Variants in IPO7 observed in about 807,000 individuals in gnomAD.
The protein encoded by IPO7 is importin-7.
A neutral mutation model predicts 136.4 loss-of-function variants in IPO7; 13 were observed. The observed-to-expected ratio is 0.10, with a 90% CI of 0.06 to 0.15. The LOEUF is 0.15. Among genes scored for constraint, IPO7 ranks in the 10% least tolerant of loss-of-function variants. The pLI is 1.00. For synonymous variants in IPO7, 403 were observed against 404.4 expected (o/e 1.00, Z 0.04); for missense variants, 857 against 1,240.6 (o/e 0.69, Z 4.65).
chr11:9,428,689 CT>C, intron 13 of IPO7, 60 bp downstream of exon 13: 1 of 917,504 alleles, frequency 1.1e-6, no homozygotes, highest in South Asian at 1.3e-5. Context: ...ACTCTGTGGA[CT>C]TTTATATTGA....
At chr11:9,406,601 T>G (rs895272593) in intron 2 of IPO7, among the ~76,000 whole-genome samples, 1 of 152,186 alleles carries the variant, frequency 6.6e-6, no homozygotes, top group Non-Finnish European at 1.5e-5. Context: ...CTGGCCACGG[T>G]GGCTCACACC....
In IPO7 at chr11:9,397,357, TA is replaced by T. The variant is rs1261578568; in HGVS notation, c.85-5932del. On this transcript the variant is annotated intron_variant, in intron 1 of 24. Transcript: ENST00000379719. ...TTAAAAAAAAATATATATATATATA[TA>T]TATATATTAGTCGGGCACGGTGGCA... Among the ~76,000 whole-genome samples the T allele has an allele frequency of 3.8e-3, 191 of 50,638 alleles. 37 individuals carry two copies. The highest frequency in any genetic ancestry group is 0.011 in the African/African-American group (139 of 13,200). The allele number at this position is 50,638 out of a possible 152,430, so 33.2% of individuals were successfully genotyped here. A position where few individuals can be genotyped will look rare whatever the true frequency, so the allele number is the denominator to read the frequency against.
chr11:9,430,548 A>G (rs1485253793), intron 15 of IPO7: 1 of 204,206 alleles, frequency 4.9e-6, no homozygotes, highest in Non-Finnish European at 9.8e-6. Flanking sequence ...GGACATTGTC[A>G]AGTGTTAACC....
intron 4 of IPO7, among the ~76,000 whole-genome samples, chr11:9,411,728 G>C (rs569423401): frequency 6.6e-6 from 1 of 152,276 alleles, no homozygotes. Flanking sequence ...TCACAGCCTT[G>C]TGGTAGTAGA....
intron 1 of IPO7, among the ~76,000 whole-genome samples, chr11:9,397,462 C>T (rs994538737): frequency 6.7e-6 from 1 of 148,534 alleles, no homozygotes; most frequent in African/African-American, 2.5e-5. Flanking sequence ...ATCTCGTGAC[C>T]TCAGGTGATC....
intron 1 of IPO7, among the ~76,000 whole-genome samples, chr11:9,398,562 A>G (rs752862645): frequency 6.6e-6 from 1 of 152,254 alleles, no homozygotes; most frequent in African/African-American, 2.4e-5. Flanking sequence ...AGACTCTGAA[A>G]TGAAGTCATG....
chr11:9,397,332 T>TAAAAAAAAA (rs757736784), intron 1 of IPO7, among the ~76,000 whole-genome samples: 246 of 12,096 alleles, frequency 0.02, 75 homozygotes, highest in East Asian at 0.068. Context: ...TAAAAATAAT[T>TAAAAAAAAA]TAAAAAAAAA....
chr11:9,419,559 A>AAAAAAAAAT (rs1256216265), intron 6 of IPO7, among the ~76,000 whole-genome samples: 2 of 116,866 alleles, frequency 1.7e-5, no homozygotes, highest in African/African-American at 7.5e-5. Context: ...AAAAAAAAAA[A>AAAAAAAAAT]ATATATATAT....
At chr11:9,408,704 GTTTTT>G (rs377057603) in intron 3 of IPO7, 65 bp downstream of exon 3, 204 of 173,154 alleles carry the variant, frequency 1.2e-3, no homozygotes, top group Middle Eastern at 6.2e-3. Flanking sequence ...TTGTTTTTTG[GTTTTT>G]TTTTTTTTTT....
chr11:9,417,207 G>T, intron 6 of IPO7, 59 bp downstream of exon 6: 1 of 735,860 alleles, frequency 1.4e-6, no homozygotes, highest in South Asian at 1.8e-5. Flanking sequence ...ATCTTTTGAA[G>T]ACTTTAACTG....
chr11:9,439,830 C>G (rs1167940211), intron 22 of IPO7, among the ~76,000 whole-genome samples: 2 of 152,088 alleles, frequency 1.3e-5, no homozygotes, highest in African/African-American at 4.8e-5. Flanking sequence ...GCCTTGGCCT[C>G]CTAAAGTGTT....
Position 9,440,545 on chromosome 11 carries a change from A to T in IPO7, c.2786A>T (p.Asp929Val), listed in dbSNP as rs763654555. 2.5e-6 allele frequency: 4 copies of T among 1,614,040 alleles called. No individual in the cohort carries two copies. Among genetic ancestry groups the T allele is most frequent in the Non-Finnish European group, 3.4e-6 (4 of 1,179,890 alleles). The stretch of plus-strand genomic sequence containing the variant: ...AAGCAGGCTGGTGAAGATGGAGATG[A>T]TGAAGATTGGGAAGAAGATGATGCT... ...LAKQAGEDGD[D>V]EDWEEDDAEE... The change falls in exon 23 of 25, where the codon GAT (aspartate) becomes GTT (valine). Residue 929 changes from aspartate to valine, a missense_variant. This residue lies in a region of IPO7 where 119 missense variants were observed against 155.5 expected (regional missense o/e 0.77). Coordinates refer to ENST00000379719, the MANE Select transcript of IPO7 (RefSeq NM_006391.3).
In IPO7 at chr11:9,438,050, T is replaced by TTG. The variant is rs1351014322; in HGVS notation, c.2490-29_2490-28insGT. On this transcript the variant is annotated intron_variant, in intron 21 of 24. Transcript: ENST00000379719. ...TTATTTAAGAAAAGAAAACAGTTTTTTTTTTTTTTTTTTTTTTTTTTTTTT... is the reference window on the plus strand; with the variant it reads ...TTATTTAAGAAAAGAAAACAGTTTTTTGTTTTTTTTTTTTTTTTTTTTTTTTT... The TTG allele has an allele frequency of 7.4e-5, 29 of 390,598 alleles. No homozygotes were observed. The African/African-American group carries it at 8.2e-4, about 11-fold the overall frequency. 24.2% of individuals were successfully genotyped at this position (390,598 alleles called of 1,614,324 possible).
At position 9,435,005 on chromosome 11, in the gene IPO7, GA is replaced by G; in HGVS notation, c.2149del (p.Met717Ter). On this transcript the variant is annotated frameshift_variant, in exon 19 of 25. Coordinates refer to ENST00000379719, the MANE Select transcript of IPO7 (RefSeq NM_006391.3). LOFTEE classifies it high-confidence loss of function. ...DTLLSDTKYLEMIYSMCKKVL... is the reference protein window; with the variant it reads ...DTLLSDTKYLXMIYSMCKKVL... ...ACTTCTGTCTGACACCAAGTATCTT[GA>G]AATGATATACAGTATGTGCAAAAAG... 6.2e-7 allele frequency: 1 copy of G among 1,604,578 alleles called. No individual in the cohort carries two copies.
intron 24 of IPO7, among the ~76,000 whole-genome samples, chr11:9,442,408 T>TTTTG (rs879419914): frequency 4.3e-4 from 65 of 151,984 alleles, no homozygotes; most frequent in African/African-American, 1.2e-3. Context: ...TTTCGTTTTT[T>TTTTG]TTTGTTTGTT....
intron 3 of IPO7, 64 bp downstream of exon 3, chr11:9,408,703 G>GTTTT: frequency 7.3e-6 from 3 of 411,310 alleles, no homozygotes; most frequent in Non-Finnish European, 1.1e-5. Flanking sequence ...TTTGTTTTTT[G>GTTTT]GTTTTTTTTT....
intron 6 of IPO7, among the ~76,000 whole-genome samples, chr11:9,417,359 T>A (rs989978928): frequency 5.9e-5 from 9 of 152,320 alleles, no homozygotes; most frequent in South Asian, 4.1e-4. Context: ...GGTGTTTTTT[T>A]AAATATATTA....
At position 9,435,037 on chromosome 11, in the gene IPO7, T is replaced by G. The variant is rs748761528; in HGVS notation, c.2172+6T>G. ...TATACAGTATGTGCAAAAAGGTAGG[T>G]CATTTTTATATATCAGATTTCATGA... On this transcript the variant is annotated splice_donor_region_variant and intron_variant, in intron 19 of 24. Transcript: ENST00000379719. The G allele has an allele frequency of 6.5e-7, 1 of 1,531,726 alleles. No individual in the cohort carries two copies. The allele number at this position is 1,531,726 out of a possible 1,614,324, so 94.9% of individuals were successfully genotyped here.
At chr11:9,395,625 G>A (rs936576783) in intron 1 of IPO7, among the ~76,000 whole-genome samples, 1 of 151,406 alleles carries the variant, frequency 6.6e-6, no homozygotes, top group African/African-American at 2.4e-5. Context: ...GCAGCTAGAT[G>A]GATGTCCCTG....
Sources: gnomAD v4.1 joint callset for allele counts (sites outside exome capture counted in the v4.1 genomes callset) on GRCh38, gnomAD v4.1.1 for gene constraint, gnomAD v4.1.1 regional missense constraint, MANE v1.5 for transcripts, NCBI Gene and HGNC (gene_info 2026-07-23, HGNC 2026-07-21) for gene names.